RBFOX1: variants seen among roughly 807,000 people sequenced by gnomAD.
RBFOX1 encodes the protein RNA binding protein fox-1 homolog 1.
RBFOX1 carries 8 observed loss-of-function variants against 57.7 expected under a neutral mutation model. The observed-to-expected ratio is 0.14, with a 90% CI of 0.08 to 0.25. The LOEUF (loss-of-function observed/expected upper bound fraction) is 0.25. Ranked by LOEUF, RBFOX1 falls within the 10% of genes least tolerant of loss-of-function variation. RBFOX1 has a pLI of 1.00. For synonymous variants in RBFOX1, 326 were observed against 222.4 expected, an observed-to-expected ratio of 1.47 and a Z score of -4.15; for missense variants, 611 against 548.5, an observed-to-expected ratio of 1.11 and a Z score of -1.14.
chr16:5,753,548 G>T (rs1470308140), intron 3 of RBFOX1, among the ~76,000 whole-genome samples: 1 of 152,144 alleles, frequency 6.6e-6, no homozygotes, highest in Non-Finnish European at 1.5e-5. Context: ...CTCTCCTCCA[G>T]TGGTGTGCTG....
intron 2 of RBFOX1, among the ~76,000 whole-genome samples, chr16:6,450,697 A>T (rs1470905579): frequency 2.2e-5 from 3 of 138,044 alleles, no homozygotes; most frequent in Non-Finnish European, 4.6e-5. Context: ...ATATGAAGCA[A>T]ATTAATCCTT....
intron 4 of RBFOX1, among the ~76,000 whole-genome samples, chr16:7,484,815 T>A (rs2064965827): frequency 6.6e-6 from 1 of 152,180 alleles, no homozygotes. Flanking sequence ...GTTATGTATC[T>A]AACTAGCATG....
intron 4 of RBFOX1, among the ~76,000 whole-genome samples, chr16:7,472,871 C>T (rs555897601): frequency 2.6e-5 from 4 of 152,172 alleles, no homozygotes; most frequent in East Asian, 1.9e-4. Flanking sequence ...TGTGGGATTT[C>T]TCTTATGTAT....
chr16:7,374,818 T>A (rs986363418), intron 4 of RBFOX1, among the ~76,000 whole-genome samples: 1 of 152,200 alleles, frequency 6.6e-6, no homozygotes, highest in African/African-American at 2.4e-5. Flanking sequence ...TTTGGCCACC[T>A]TATCTCAAAC....
At chr16:6,478,665 G>T (rs971576947) in intron 2 of RBFOX1, among the ~76,000 whole-genome samples, 3 of 151,602 alleles carry the variant, frequency 2.0e-5, no homozygotes, top group Non-Finnish European at 2.9e-5. Context: ...AGAGGCTATT[G>T]TAAGGTTATT....
At chr16:7,198,930 T>C (rs1369591087) in intron 4 of RBFOX1, among the ~76,000 whole-genome samples, 1 of 152,190 alleles carries the variant, frequency 6.6e-6, no homozygotes, top group Non-Finnish European at 1.5e-5. Flanking sequence ...TTGCTCAGTA[T>C]GAACCATGCT....
intron 2 of RBFOX1, among the ~76,000 whole-genome samples, chr16:6,581,939 C>T (rs938581596): frequency 1.3e-5 from 2 of 152,126 alleles, no homozygotes; most frequent in African/African-American, 2.4e-5. Flanking sequence ...GTTATGAAAC[C>T]GGGGCATTTT....
At chr16:5,239,829 G>A (rs796965290) in exon 1 of RBFOX1, 16 of 809,362 alleles carry the variant, frequency 2.0e-5, no homozygotes, top group African/African-American at 2.0e-4. Context: ...GCTCCGCCGA[G>A]AGGCCGCTCG....
intron 2 of RBFOX1, among the ~76,000 whole-genome samples, chr16:6,502,207 G>T (rs2095955339): frequency 1.3e-5 from 2 of 152,110 alleles, no homozygotes; most frequent in African/African-American, 4.8e-5. Context: ...TCTTTCTCAT[G>T]GGGAGCTATG....
At chr16:6,817,295 C>A (rs932989381) in intron 3 of RBFOX1, among the ~76,000 whole-genome samples, 2 of 152,110 alleles carry the variant, frequency 1.3e-5, no homozygotes, top group African/African-American at 4.8e-5. Context: ...TAGCTTCAAA[C>A]ACATTTAACC....
At chr16:6,812,777 G>A (rs905080038) in intron 3 of RBFOX1, among the ~76,000 whole-genome samples, 1 of 152,078 alleles carries the variant, frequency 6.6e-6, no homozygotes, top group East Asian at 1.9e-4. Flanking sequence ...GCTCATAAGC[G>A]GCATTTTCCT....
intron 3 of RBFOX1, among the ~76,000 whole-genome samples, chr16:6,882,065 C>T (rs529935488): frequency 6.6e-6 from 1 of 152,136 alleles, no homozygotes; most frequent in Non-Finnish European, 1.5e-5. Flanking sequence ...AGTCTTCCTG[C>T]TTAATATTTC....
At position 7,089,681 on chromosome 16, in the gene RBFOX1, G is replaced by T. The variant is rs142753611; in HGVS notation, c.27+37583G>T. On this transcript the variant is annotated intron_variant, in intron 4 of 15. Transcript: ENST00000550418. Reference sequence around the variant, plus strand: ...ACTCAAAGCAGAGGAAAAATGATGCGTGTCCCAGACCCCCTTCCACATCCG... The same window carrying T: ...ACTCAAAGCAGAGGAAAAATGATGCTTGTCCCAGACCCCCTTCCACATCCG... Among the ~76,000 whole-genome samples, 5 of 152,206 alleles carry T rather than the reference G, an allele frequency of 3.3e-5. No individual in the cohort carries two copies. In the East Asian group the frequency reaches 9.7e-4, roughly 29 times the overall value.
At chr16:6,751,694 C>T (rs1005157661) in intron 3 of RBFOX1, among the ~76,000 whole-genome samples, 1 of 152,108 alleles carries the variant, frequency 6.6e-6, no homozygotes, top group South Asian at 2.1e-4. Flanking sequence ...CAGCTTGCTG[C>T]TTACAGTATA....
rs181081768 is a variant in RBFOX1 at position 7,679,990 on chromosome 16, T to C, written c.995+3152T>C. Reference sequence around the variant, plus strand: ...ATCTTTATTTCTAATCTCACTTTGATTTATGCAAAGCCAACTGTCTGAACT... The same window carrying C: ...ATCTTTATTTCTAATCTCACTTTGACTTATGCAAAGCCAACTGTCTGAACT... On this transcript the variant is annotated intron_variant, in intron 14 of 15. Coordinates refer to ENST00000550418, the MANE Select transcript of RBFOX1 (RefSeq NM_018723.4). Among the ~76,000 whole-genome samples the C allele has an allele frequency of 1.6e-3, 242 of 152,332 alleles. 1 individual carries two copies. Among genetic ancestry groups the C allele is most frequent in the African/African-American group, 5.5e-3 (228 of 41,576 alleles).
intron 2 of RBFOX1, among the ~76,000 whole-genome samples, chr16:6,501,003 C>T (rs2095900984): frequency 6.6e-6 from 1 of 151,430 alleles, no homozygotes; most frequent in South Asian, 2.1e-4. Flanking sequence ...AGAGCCCCTT[C>T]CTCCCAGAGC....
intron 3 of RBFOX1, among the ~76,000 whole-genome samples, chr16:5,631,751 C>T (rs1331157882): frequency 6.6e-6 from 1 of 152,030 alleles, no homozygotes; most frequent in Admixed American, 6.6e-5. Context: ...GAGGTGCTTA[C>T]TGAGTATTTA....
intron 4 of RBFOX1, among the ~76,000 whole-genome samples, chr16:7,052,769 A>G (rs775881395): frequency 1.1e-4 from 16 of 152,072 alleles, no homozygotes; most frequent in Non-Finnish European, 2.1e-4. Flanking sequence ...TCTTCTTGGT[A>G]TGGGGATGGC....
intron 10 of RBFOX1, among the ~76,000 whole-genome samples, chr16:7,628,304 C>T (rs1362920516): frequency 6.6e-6 from 1 of 152,048 alleles, no homozygotes; most frequent in African/African-American, 2.4e-5. Flanking sequence ...GTAGATGATT[C>T]CGACCTGATA....
Sources: gnomAD v4.1 joint callset for allele counts (sites outside exome capture counted in the v4.1 genomes callset) on GRCh38, gnomAD v4.1.1 for gene constraint, MANE v1.5 for transcripts, NCBI Gene and HGNC (gene_info 2026-07-23, HGNC 2026-07-21) for gene names.